MACROD2: variants seen among roughly 807,000 people sequenced by gnomAD.
MACROD2 encodes ADP-ribose glycohydrolase MACROD2.
MACROD2 carries 36 observed loss-of-function variants against 70.4 expected under a neutral mutation model. That is an observed-to-expected ratio of 0.51 (90% CI 0.39 to 0.68). MACROD2 has a LOEUF of 0.68. Ranked by LOEUF, MACROD2 falls within the 30% of genes least tolerant of loss-of-function variation. The pLI, the probability that MACROD2 is intolerant of heterozygous loss-of-function variation, is 0.00. For missense variants in MACROD2, 496 were observed against 538.4 expected, an observed-to-expected ratio of 0.92 and a Z score of 0.78; for synonymous variants, 172 against 178.8, an observed-to-expected ratio of 0.96 and a Z score of 0.30.
intron 4 of MACROD2, among the ~76,000 whole-genome samples, chr20:14,496,971 A>G (rs2084859776): frequency 6.6e-6 from 1 of 151,696 alleles, no homozygotes; most frequent in East Asian, 1.9e-4. Flanking sequence ...TGCATAGCTT[A>G]TAGGGCAAAG....
chr20:14,846,126 G>T (rs425410), intron 5 of MACROD2, among the ~76,000 whole-genome samples: 1 of 152,232 alleles, frequency 6.6e-6, no homozygotes, highest in East Asian at 1.9e-4. Context: ...AGTATTTTTG[G>T]TGTAGTCAAG....
At chr20:14,515,220 G>T (rs1156721514) in intron 4 of MACROD2, among the ~76,000 whole-genome samples, 1 of 151,952 alleles carries the variant, frequency 6.6e-6, no homozygotes, top group Non-Finnish European at 1.5e-5. Flanking sequence ...TCACAATACA[G>T]TGCAAAAATC....
rs1309536787 is a variant in MACROD2, at chr20:16,041,277, T to G, written c.1230T>G (p.Asp410Glu). 2 of 1,611,332 alleles carry G rather than the reference T, an allele frequency of 1.2e-6. No individual in the cohort carries two copies. The highest frequency in any genetic ancestry group is 1.7e-6 in the Non-Finnish European group (2 of 1,178,350). The change falls in exon 16 of 18, where the codon GAT (aspartate) becomes GAG (glutamate). Residue 410 changes from aspartate to glutamate, a missense_variant and splice_region_variant. Asp to Glu is a conservative substitution (Grantham distance 45, BLOSUM62 2). Transcript: ENST00000684519. ...ACCTAGAAAATACTCCAGGTCCTGA[T>G]GGTAAGGTTCTGAGCTATTGGAGCC... is the stretch of plus-strand genomic sequence containing the variant. ...SSDLENTPGP[D>E]VEMNSQVDKV...
intron 6 of MACROD2, among the ~76,000 whole-genome samples, chr20:15,357,054 C>T (rs1377728868): frequency 6.6e-6 from 1 of 152,002 alleles, no homozygotes; most frequent in Non-Finnish European, 1.5e-5. Flanking sequence ...TAGTGACTAT[C>T]CAATTAGTCT....
intron 3 of MACROD2, among the ~76,000 whole-genome samples, chr20:14,129,019 A>G (rs1423895062): frequency 1.3e-5 from 2 of 152,228 alleles, no homozygotes; most frequent in East Asian, 3.8e-4. Flanking sequence ...CACAACATCA[A>G]TTCTTCAGCC....
Position 15,967,566 on chromosome 20 carries a change from T to C in MACROD2, c.921T>C (p.Asp307=), listed in dbSNP as rs779335882. 5 of 1,610,980 alleles carry C rather than the reference T, an allele frequency of 3.1e-6. No homozygotes were observed. The highest frequency in any genetic ancestry group is 3.4e-6 in the Non-Finnish European group (4 of 1,178,954). Residue 307 remains aspartate (D), a synonymous_variant, in exon 13 of 18, where the codon GAT becomes GAC. Coordinates refer to ENST00000684519, the MANE Select transcript of MACROD2 (RefSeq NM_001351661.2). ...EDCKDEDFAK[D]ENITKGGEVT... The stretch of plus-strand genomic sequence containing the variant: ...GTTTGTTGTTAGATTTTGCAAAGGA[T>C]GAAAATATTACAAAAGGCGGTGAAG...
chr20:14,190,425 A>T (rs1479134264), intron 3 of MACROD2, among the ~76,000 whole-genome samples: 1 of 151,918 alleles, frequency 6.6e-6, no homozygotes, highest in African/African-American at 2.4e-5. Context: ...TTTTGTAGGT[A>T]TAGCTAACTT....
chr20:14,175,796 G>A (rs1432438824), intron 3 of MACROD2, among the ~76,000 whole-genome samples: 4 of 152,168 alleles, frequency 2.6e-5, no homozygotes, highest in Admixed American at 1.3e-4. Context: ...GCAGATATTG[G>A]GTGACAGCTT....
chr20:15,157,812 C>T (rs1230717824), intron 5 of MACROD2, among the ~76,000 whole-genome samples: 5 of 152,200 alleles, frequency 3.3e-5, no homozygotes, highest in Middle Eastern at 3.4e-3. Flanking sequence ...TTAGTGGTGG[C>T]TGTATCCCTC....
chr20:15,691,951 G>A (rs191000907), intron 8 of MACROD2, among the ~76,000 whole-genome samples: 5 of 152,150 alleles, frequency 3.3e-5, no homozygotes, highest in Admixed American at 2.6e-4. Flanking sequence ...TGATCATATA[G>A]TTTTCAAGTA....
chr20:15,993,392 T>C (rs1191700490), intron 15 of MACROD2, among the ~76,000 whole-genome samples: 2 of 152,070 alleles, frequency 1.3e-5, no homozygotes, highest in Non-Finnish European at 2.9e-5. Flanking sequence ...TTAGTTATGT[T>C]TTGACATACA....
intron 5 of MACROD2, among the ~76,000 whole-genome samples, chr20:15,103,295 G>A (rs754559894): frequency 1.3e-5 from 2 of 152,116 alleles, no homozygotes; most frequent in Non-Finnish European, 2.9e-5. Context: ...TGAGGTTCCA[G>A]GTATTACATG....
intron 7 of MACROD2, among the ~76,000 whole-genome samples, chr20:15,483,853 A>G (rs2047130083): frequency 6.6e-6 from 1 of 151,908 alleles, no homozygotes; most frequent in Non-Finnish European, 1.5e-5. Flanking sequence ...TTTAATTTCA[A>G]AATCTACTAG....
chr20:15,325,619 AG>A (rs1307932157), intron 6 of MACROD2, among the ~76,000 whole-genome samples: 1 of 152,098 alleles, frequency 6.6e-6, no homozygotes, highest in Non-Finnish European at 1.5e-5. Flanking sequence ...CCCAGGAGAG[AG>A]GAGGTGTTTG....
intron 8 of MACROD2, among the ~76,000 whole-genome samples, chr20:15,838,794 A>G (rs1263767454): frequency 6.6e-6 from 1 of 152,196 alleles, no homozygotes; most frequent in Non-Finnish European, 1.5e-5. Flanking sequence ...TTAAATAAAT[A>G]CATCAATAAA....
At chr20:14,046,714 C>CTTTT (rs1322839802) in intron 2 of MACROD2, among the ~76,000 whole-genome samples, 3 of 133,204 alleles carry the variant, frequency 2.3e-5, no homozygotes, top group Non-Finnish European at 3.3e-5. Flanking sequence ...CAAGCATTCT[C>CTTTT]TTTTATTTAT....
At chr20:14,243,272 T>A (rs534886101) in intron 3 of MACROD2, among the ~76,000 whole-genome samples, 1 of 152,306 alleles carries the variant, frequency 6.6e-6, no homozygotes, top group African/African-American at 2.4e-5. Flanking sequence ...ATACATTTAG[T>A]TTGAAACAAA....
chr20:15,020,424 A>G (rs1279383599), intron 5 of MACROD2, among the ~76,000 whole-genome samples: 2 of 152,176 alleles, frequency 1.3e-5, no homozygotes, highest in Admixed American at 6.5e-5. Context: ...TTGTGATCAT[A>G]TTTGTTTCCT....
chr20:15,927,771 A>C (rs1195278947), intron 10 of MACROD2, among the ~76,000 whole-genome samples: 1 of 152,204 alleles, frequency 6.6e-6, no homozygotes, highest in Non-Finnish European at 1.5e-5. Context: ...AAATAGATCA[A>C]TCAGCTAATG....
Sources: gnomAD v4.1 joint callset for allele counts (sites outside exome capture counted in the v4.1 genomes callset) on GRCh38, gnomAD v4.1.1 for gene constraint, MANE v1.5 for transcripts, NCBI Gene and HGNC (gene_info 2026-07-23, HGNC 2026-07-21) for gene names.